C12orf57: variants seen among roughly 807,000 people sequenced by gnomAD.
C12orf57 encodes protein C10.
In C12orf57, 14 loss-of-function variants were observed where a neutral mutation model predicts 11.3. That is an observed-to-expected ratio of 1.24 (90% confidence interval 0.82 to 1.94). C12orf57 has a LOEUF of 1.94. C12orf57 is among the 30% of genes most tolerant of loss of function. C12orf57 has a pLI of 0.00. For missense variants in C12orf57, 229 were observed against 172.4 expected (o/e 1.33, Z -1.84); for synonymous variants, 100 against 74.6 (o/e 1.34, Z -1.76).
chr12:6,945,132 C>G (rs1945769217), intron 2 of C12orf57: 1 of 234,592 alleles, frequency 4.3e-6, no homozygotes, highest in Non-Finnish European at 8.3e-6. Context: ...TTTCCATTTT[C>G]GGCCTCACAC....
At chr12:6,943,986 A>T (rs1044189), upstream of C12orf57, 12 of 1,579,530 alleles carry the variant, frequency 7.6e-6, no homozygotes, top group South Asian at 5.7e-5. Context: ...GGTTTGGGCC[A>T]CGCCTGGGCG....
At position 6,944,077 on chromosome 12, in the gene C12orf57, G is replaced by T. The variant is rs782653230; in HGVS notation, c.-45G>T. On this transcript the variant is annotated 5_prime_UTR_variant, in exon 1 of 3. Transcript: ENST00000229281. ...TTGTAGGACGTGGCTCTTTATTCGT[G>T]AGTTTTCCATTTACCTCCGCTGAAC... 4 of 1,613,740 alleles carry T rather than the reference G, an allele frequency of 2.5e-6. No individual in the cohort carries two copies. The highest frequency in any genetic ancestry group is 1.7e-5 in the Admixed American group (1 of 60,000).
chr12:6,945,654 G>A lies in C12orf57; in HGVS notation c.230-117G>A, dbSNP rs1388077617. The stretch of plus-strand genomic sequence containing the variant: ...ACAGAGGCCTGCATGCGTCCTGTTT[G>A]GCAAACAGCTGCCCAGCCAGTGGGG... On this transcript the variant is annotated intron_variant, in intron 2 of 2. Transcript: ENST00000229281. The A allele has an allele frequency of 5.4e-6, 6 of 1,109,684 alleles. No homozygotes were observed. The African/African-American group carries it at 6.2e-5, about 11-fold the overall frequency. The allele number at this position is 1,109,684 out of a possible 1,614,324, so 68.7% of individuals were successfully genotyped here. A position where few individuals can be genotyped will look rare whatever the true frequency, so the allele number is the denominator to read the frequency against.
At chr12:6,943,865 A>T (rs782760331), upstream of C12orf57, 4 of 934,146 alleles carry the variant, frequency 4.3e-6, no homozygotes, top group South Asian at 3.5e-5. Flanking sequence ...CTGGCTTTTT[A>T]CCGGAAAGCC....
chr12:6,943,990 C>G (rs782160498), upstream of C12orf57: 114 of 1,587,890 alleles, frequency 7.2e-5, no homozygotes, highest in East Asian at 1.3e-3. Context: ...TGGGCCACGC[C>G]TGGGCGCTTC....
At chr12:6,943,925 A>T, upstream of C12orf57, 14 of 1,324,574 alleles carry the variant, frequency 1.1e-5, no homozygotes, top group Non-Finnish European at 1.4e-5. Flanking sequence ...CTGTGCAAAA[A>T]TTATGGGTAG....
chr12:6,945,760 C>T lies in C12orf57; in HGVS notation c.230-11C>T. On this transcript the variant is annotated splice_polypyrimidine_tract_variant and intron_variant, in intron 2 of 2. Coordinates refer to ENST00000229281, the MANE Select transcript of C12orf57 (RefSeq NM_138425.4). ...TTAGGAGAAGGGTTGACCTTCCACT[C>T]CCTCTTGCAGGTGTCCTTAAGTTTG... is the stretch of plus-strand genomic sequence containing the variant. 2 of 1,613,150 alleles carry T rather than the reference C, an allele frequency of 1.2e-6. No homozygotes were observed. The highest frequency in any genetic ancestry group is 1.1e-5 in the South Asian group (1 of 90,754).
chr12:6,943,914 A>C (rs761234400), upstream of C12orf57: 21 of 1,230,076 alleles, frequency 1.7e-5, no homozygotes, highest in Admixed American at 2.8e-5. Flanking sequence ...GATTGTTTTC[A>C]CTGTGCAAAA....
At chr12:6,944,323 T>C in intron 1 of C12orf57, 150 bp downstream of exon 1, 2 of 1,570,652 alleles carry the variant, frequency 1.3e-6, no homozygotes, top group Non-Finnish European at 1.7e-6. Context: ...CCGGGTACCG[T>C]CCTTCTAAGT....
chr12:6,943,995 CGCTTCCGGCTGCGCCGGAT>C, upstream of C12orf57: 4 of 1,588,702 alleles, frequency 2.5e-6, no homozygotes, highest in Non-Finnish European at 2.6e-6. Flanking sequence ...CACGCCTGGG[CGCTTCCGGCTGCGCCGGAT>C]GCTGTTTCCT....
chr12:6,943,803 A>C (rs1945689615), upstream of C12orf57: 1 of 896,272 alleles, frequency 1.1e-6, no homozygotes, highest in Non-Finnish European at 1.5e-6. Flanking sequence ...CTTCTCTCCA[A>C]ACACATACGC....
In C12orf57 at chr12:6,944,490, G is replaced by A; in HGVS notation, c.67G>A (p.Val23Met). The A allele has an allele frequency of 1.2e-6, 2 of 1,612,534 alleles. No individual in the cohort carries two copies. The highest frequency in any genetic ancestry group is 1.7e-6 in the Non-Finnish European group (2 of 1,179,886). The change falls in exon 2 of 3, where the codon GTG becomes ATG. Residue 23 changes from valine (V) to methionine (M), a missense_variant. Physicochemically the swap from Val to Met is conservative, Grantham distance 21. Transcript: ENST00000229281. ...CTGGCGCGCAGTGGTCCTCGCGGAG[G>A]TGATCCAGGCGTTCTCCGCCCCGGA... Reference protein sequence around the residue: ...AEQAKVVLAEVIQAFSAPENA... With the variant: ...AEQAKVVLAEMIQAFSAPENA...
chr12:6,943,597 C>G (rs919726839), upstream of C12orf57: 2 of 1,289,784 alleles, frequency 1.6e-6, no homozygotes, highest in Middle Eastern at 2.1e-4. Flanking sequence ...CTCAACCAAT[C>G]AGCACCGAAC....
At chr12:6,944,942 T>C (rs907267856) in intron 2 of C12orf57, 2 of 1,180,220 alleles carry the variant, frequency 1.7e-6, no homozygotes, top group East Asian at 5.4e-5. Flanking sequence ...ATGGATATCT[T>C]GGGGGATGGG....
rs1555146059 is a variant in C12orf57 at position 6,944,615 on chromosome 12, G to A, written c.192G>A (p.Glu64=). The stretch of plus-strand genomic sequence containing the variant: ...CCGTGGCCACGCAGATCCAGCAGGA[G>A]GTTATCAAAGCCTATGGCTTCAGCT... ...VLPVATQIQQ[E]VIKAYGFSCD... is the part of the protein sequence containing the mutation. The change falls in exon 2 of 3, where the codon GAG becomes GAA. Residue 64 remains glutamate, a synonymous_variant. Transcript: ENST00000229281. The A allele has an allele frequency of 1.9e-6, 3 of 1,614,130 alleles. No homozygotes were observed. Among genetic ancestry groups the A allele is most frequent in the Admixed American group, 1.7e-5 (1 of 60,034 alleles).
chr12:6,945,448 C>A (rs1047496031), intron 2 of C12orf57, among the ~76,000 whole-genome samples: 5 of 152,144 alleles, frequency 3.3e-5, no homozygotes, highest in African/African-American at 1.2e-4. Flanking sequence ...TGCCTCATAG[C>A]CTTCCTGAGT....
At position 6,944,063 on chromosome 12, in the gene C12orf57, G is replaced by A. The variant is rs963269010; in HGVS notation, c.-59G>A. ...GGCGTTGGGAACGGTTGTAGGACGTGGCTCTTTATTCGTGAGTTTTCCATT... is the reference window on the plus strand; with the variant it reads ...GGCGTTGGGAACGGTTGTAGGACGTAGCTCTTTATTCGTGAGTTTTCCATT... On this transcript the variant is annotated 5_prime_UTR_variant, in exon 1 of 3. Coordinates refer to ENST00000229281, the MANE Select transcript of C12orf57 (RefSeq NM_138425.4). 59 of 1,613,320 alleles carry A rather than the reference G, an allele frequency of 3.7e-5. No individual in the cohort carries two copies. The East Asian group carries it at 1.1e-3, about 29-fold the overall frequency.
At chr12:6,944,914 C>A (rs1945761970) in intron 2 of C12orf57, 11 of 1,355,410 alleles carry the variant, frequency 8.1e-6, no homozygotes. Context: ...TTTCAGATTT[C>A]GGAATATTTA....
chr12:6,944,672 G>C lies in C12orf57; in HGVS notation c.229+20G>C. The C allele has an allele frequency of 6.4e-7, 1 of 1,561,688 alleles. No homozygotes were observed. Among genetic ancestry groups the C allele is most frequent in the African/African-American group, 1.7e-5 (1 of 57,808 alleles). ...GGGAAGGTGGGTCAGACGCGGGAAGGCGGGTCAGACGCGGGAAGGCGGGAG... is the reference window on the plus strand; with the variant it reads ...GGGAAGGTGGGTCAGACGCGGGAAGCCGGGTCAGACGCGGGAAGGCGGGAG... On this transcript the variant is annotated intron_variant, in intron 2 of 2. Transcript: ENST00000229281.
Sources: allele counts gnomAD v4.1 joint callset (sites outside exome capture counted in the v4.1 genomes callset), GRCh38; gene constraint gnomAD v4.1.1; transcripts MANE v1.5; gene names NCBI Gene and HGNC (gene_info 2026-07-23, HGNC 2026-07-21).